Variants in OR1J2 observed in about 807,000 individuals in gnomAD.
The protein encoded by OR1J2 is olfactory receptor family 1 subfamily J member 2.
For synonymous variants in OR1J2, 142 were observed against 99.7 expected, an observed-to-expected ratio of 1.42 and a Z score of -2.52; for missense variants, 304 against 246.1, an observed-to-expected ratio of 1.24 and a Z score of -1.57.
At chr9:122,476,729 A>G in the OR1J2 span, among the ~76,000 whole-genome samples, 1 of 151,506 alleles carries the variant, frequency 6.6e-6, no homozygotes, top group Non-Finnish European at 1.5e-5. Context: ...TTTTTTTGAC[A>G]GAGTCTTGCT....
chr9:122,521,970 A>T, the OR1J2 span, among the ~76,000 whole-genome samples: 1 of 152,216 alleles, frequency 6.6e-6, no homozygotes, highest in African/African-American at 2.4e-5. Flanking sequence ...TATCTGTCTT[A>T]CCAGTCCACC....
At chr9:122,502,865 A>G in the OR1J2 span, among the ~76,000 whole-genome samples, 2 of 152,316 alleles carry the variant, frequency 1.3e-5, no homozygotes, top group East Asian at 3.9e-4. Flanking sequence ...GTGATCAGGA[A>G]GTATGGTAAG....
chr9:122,470,377 G>A, the OR1J2 span, among the ~76,000 whole-genome samples: 1 of 152,228 alleles, frequency 6.6e-6, no homozygotes. Flanking sequence ...GAGCCTGTGG[G>A]TGCACAGAAG....
chr9:122,490,717 A>G, the OR1J2 span, among the ~76,000 whole-genome samples: 5 of 152,214 alleles, frequency 3.3e-5, no homozygotes, highest in African/African-American at 4.8e-5. Flanking sequence ...GTACACTTGA[A>G]CAGGGGAAGA....
the OR1J2 span, among the ~76,000 whole-genome samples, chr9:122,479,104 C>T: frequency 3.2e-3 from 487 of 152,194 alleles, 3 homozygotes; most frequent in Admixed American, 8.8e-3. Context: ...ATGTGTAGCG[C>T]GAAAACATAT....
chr9:122,504,042 C>T, the OR1J2 span, among the ~76,000 whole-genome samples: 193 of 152,294 alleles, frequency 1.3e-3, 1 homozygote, highest in African/African-American at 4.4e-3. Context: ...TTCAATACAA[C>T]GTAGTTAGAT....
the OR1J2 span, among the ~76,000 whole-genome samples, chr9:122,569,552 A>T: frequency 5.3e-5 from 4 of 75,600 alleles, no homozygotes; most frequent in African/African-American, 2.1e-4. Flanking sequence ...GGCATATTAC[A>T]TAGAGATTTT....
the OR1J2 span, among the ~76,000 whole-genome samples, chr9:122,494,722 T>G: frequency 6.6e-6 from 1 of 152,196 alleles, no homozygotes; most frequent in East Asian, 1.9e-4. Flanking sequence ...CTGTTCATCA[T>G]GCTATTTGTT....
chr9:122,564,960 T>TAGTA, the OR1J2 span, among the ~76,000 whole-genome samples: 41,386 of 152,068 alleles, frequency 0.27, 5,783 homozygotes, highest in Middle Eastern at 0.34. Context: ...CAATTAGACC[T>TAGTA]AGTGAGTCTG....
the OR1J2 span, among the ~76,000 whole-genome samples, chr9:122,532,546 G>A: frequency 6.8e-6 from 1 of 147,634 alleles, no homozygotes; most frequent in Non-Finnish European, 1.5e-5. Flanking sequence ...AGGAACAATG[G>A]TAATTGTGGG....
the OR1J2 span, among the ~76,000 whole-genome samples, chr9:122,525,610 G>A: frequency 6.6e-6 from 1 of 152,120 alleles, no homozygotes; most frequent in Non-Finnish European, 1.5e-5. Flanking sequence ...TAAGGAGAGA[G>A]GATTTCCACG....
the OR1J2 span, among the ~76,000 whole-genome samples, chr9:122,536,079 C>A: frequency 6.6e-6 from 1 of 152,116 alleles, no homozygotes; most frequent in South Asian, 2.1e-4. Flanking sequence ...AGGCAGGAAC[C>A]AGCCATCTGG....
At chr9:122,482,546 A>C in the OR1J2 span, among the ~76,000 whole-genome samples, 26 of 152,202 alleles carry the variant, frequency 1.7e-4, no homozygotes, top group African/African-American at 5.5e-4. Flanking sequence ...ACAGTCAGTA[A>C]CTTGGAGAGA....
the OR1J2 span, among the ~76,000 whole-genome samples, chr9:122,448,277 C>T: frequency 6.6e-6 from 1 of 152,152 alleles, no homozygotes; most frequent in African/African-American, 2.4e-5. Flanking sequence ...TGCTTTTCTC[C>T]ACCTAAACAT....
the OR1J2 span, chr9:122,477,167 TC>T: frequency 6.2e-7 from 1 of 1,614,154 alleles, no homozygotes; most frequent in Non-Finnish European, 8.5e-7. Context: ...CCAATAATTG[TC>T]CGATAATAGA....
the OR1J2 span, among the ~76,000 whole-genome samples, chr9:122,575,979 G>A: frequency 6.6e-6 from 1 of 152,060 alleles, no homozygotes; most frequent in African/African-American, 2.4e-5. Flanking sequence ...ACATGAGAGT[G>A]TGCAATATTT....
chr9:122,472,734 C>G, the OR1J2 span, among the ~76,000 whole-genome samples: 1 of 152,196 alleles, frequency 6.6e-6, no homozygotes, highest in Non-Finnish European at 1.5e-5. Context: ...AATCTGCAAT[C>G]AGGAGATTTT....
chr9:122,554,130 C>T, the OR1J2 span: 2 of 1,612,582 alleles, frequency 1.2e-6, no homozygotes, highest in East Asian at 2.2e-5. Flanking sequence ...TTTGGGTAAA[C>T]TTTTTGTCAG....
At chr9:122,495,123 T>A in the OR1J2 span, among the ~76,000 whole-genome samples, 1 of 152,200 alleles carries the variant, frequency 6.6e-6, no homozygotes, top group Non-Finnish European at 1.5e-5. Flanking sequence ...AAGATTTTTT[T>A]CTTCATGTTG....
Sources: gnomAD v4.1 joint callset for allele counts (sites outside exome capture counted in the v4.1 genomes callset) on GRCh38, gnomAD v4.1.1 for gene constraint, MANE v1.5 for transcripts, NCBI Gene and HGNC (gene_info 2026-07-23, HGNC 2026-07-21) for gene names.